Variants in RBPMS observed in about 807,000 individuals in gnomAD.
RBPMS encodes the protein RNA binding protein, mRNA processing factor, also known as RNA-binding protein with multiple splicing.
In RBPMS, 7 loss-of-function variants were observed where a neutral mutation model predicts 26.8. The observed-to-expected ratio is 0.26, with a 90% confidence interval of 0.15 to 0.49. The LOEUF is 0.49. Ranked by LOEUF, RBPMS falls within the 20% of genes least tolerant of loss-of-function variation. RBPMS has a pLI of 0.98. For missense variants in RBPMS, 186 were observed against 250.0 expected (o/e 0.74, Z 1.73); for synonymous variants, 96 against 93.3 (o/e 1.03, Z -0.17).
chr8:30,419,468 G>C (rs1014302404), intron 1 of RBPMS, among the ~76,000 whole-genome samples: 2 of 151,622 alleles, frequency 1.3e-5, no homozygotes, highest in Non-Finnish European at 2.9e-5. Flanking sequence ...GTGTGTGTGT[G>C]TGTGTGTGTG....
chr8:30,412,692 G>A (rs2150585464), intron 1 of RBPMS, among the ~76,000 whole-genome samples: 1 of 152,238 alleles, frequency 6.6e-6, no homozygotes, highest in Middle Eastern at 3.4e-3. Context: ...GTGCTGTATT[G>A]AGGAGGAGAG....
chr8:30,494,700 A>G (rs1249235885), intron 4 of RBPMS, among the ~76,000 whole-genome samples: 4 of 152,178 alleles, frequency 2.6e-5, no homozygotes, highest in Admixed American at 2.6e-4. Context: ...TGTGACTATA[A>G]TTAACTCTAG....
chr8:30,409,846 T>C (rs988473676), intron 1 of RBPMS, among the ~76,000 whole-genome samples: 1 of 151,776 alleles, frequency 6.6e-6, no homozygotes, highest in East Asian at 2.0e-4. Flanking sequence ...TTGGCCAGGC[T>C]GGTCTCGATC....
intron 6 of RBPMS, chr8:30,556,429 G>A (rs1826923251): frequency 3.0e-6 from 3 of 985,750 alleles, no homozygotes; most frequent in Non-Finnish European, 3.6e-6. Context: ...GGCTGGGGCA[G>A]GGCTTCCTTC....
intron 1 of RBPMS, among the ~76,000 whole-genome samples, chr8:30,438,161 A>ATTGGG (rs1473373511): frequency 3.3e-5 from 5 of 152,174 alleles, no homozygotes; most frequent in African/African-American, 1.2e-4. Flanking sequence ...TCATGCCTGT[A>ATTGGG]ATCCCAACAC....
At chr8:30,433,071 C>A (rs1307442984) in intron 1 of RBPMS, among the ~76,000 whole-genome samples, 1 of 152,158 alleles carries the variant, frequency 6.6e-6, no homozygotes, top group Non-Finnish European at 1.5e-5. Flanking sequence ...GATAAACTGT[C>A]CTACAGTGAT....
chr8:30,427,488 T>C (rs1349152542), intron 1 of RBPMS, among the ~76,000 whole-genome samples: 2 of 152,164 alleles, frequency 1.3e-5, no homozygotes, highest in African/African-American at 4.8e-5. Flanking sequence ...CCATTCTTCC[T>C]CCACTACAGG....
chr8:30,532,359 A>G (rs1824313319), intron 5 of RBPMS, among the ~76,000 whole-genome samples: 1 of 152,204 alleles, frequency 6.6e-6, no homozygotes, highest in African/African-American at 2.4e-5. Flanking sequence ...AACATTATTT[A>G]TACCCCCAGA....
At chr8:30,415,205 C>T (rs1378949833) in intron 1 of RBPMS, among the ~76,000 whole-genome samples, 2 of 152,172 alleles carry the variant, frequency 1.3e-5, no homozygotes, top group Non-Finnish European at 2.9e-5. Context: ...CCCTCCCTGA[C>T]TAATCCATCA....
At position 30,384,933 on chromosome 8, in the gene RBPMS, G is replaced by A; in HGVS notation, c.-160G>A. 2.4e-6 allele frequency: 1 copy of A among 424,574 alleles called. No individual in the cohort carries two copies. Among genetic ancestry groups the A allele is most frequent in the South Asian group, 7.3e-5 (1 of 13,716 alleles). The allele number at this position is 424,574 out of a possible 1,614,324, so 26.3% of individuals were successfully genotyped here. A position where few individuals can be genotyped will look rare whatever the true frequency, so the allele number is the denominator to read the frequency against. On this transcript the variant is annotated 5_prime_UTR_variant, in exon 1 of 9. Coordinates refer to ENST00000397323, the MANE Select transcript of RBPMS (RefSeq NM_001008710.3). This position sits in a 1 kb window ranked among gnomAD's most constrained non-coding sequence, Gnocchi z 5.6. ...CGCCGCGGGAGCCCCAGCCCAACCC[G>A]AGCCCGACAGCCACTGCCCCGGCTC... is the stretch of plus-strand genomic sequence containing the variant.
intron 5 of RBPMS, among the ~76,000 whole-genome samples, chr8:30,532,994 G>T (rs1019116918): frequency 2.0e-5 from 3 of 152,192 alleles, no homozygotes; most frequent in Non-Finnish European, 4.4e-5. Flanking sequence ...TTGCCTCACA[G>T]CAGGTGCTCA....
rs80084671 is a variant in RBPMS, at chr8:30,517,708, G to C, written c.397+13272G>C. ...GGAAACAGGCCTGTAAGGAGCTGCC[G>C]TGTGTAAGGTAGAGCAAGTGTTCAG... On this transcript the variant is annotated intron_variant, in intron 5 of 8. Coordinates refer to ENST00000397323, the MANE Select transcript of RBPMS (RefSeq NM_001008710.3). Among the ~76,000 whole-genome samples, 815 of 152,280 alleles carry C rather than the reference G, an allele frequency of 5.4e-3. 11 individuals are homozygous for C. Among genetic ancestry groups the C allele is most frequent in the African/African-American group, 0.019 (773 of 41,556 alleles).
chr8:30,506,851 C>T (rs1821123178), intron 5 of RBPMS, among the ~76,000 whole-genome samples: 1 of 152,154 alleles, frequency 6.6e-6, no homozygotes, highest in African/African-American at 2.4e-5. Flanking sequence ...TACACTTGAA[C>T]TCTCAATTCT....
chr8:30,550,056 T>C (rs1325376170), intron 6 of RBPMS, among the ~76,000 whole-genome samples: 1 of 152,040 alleles, frequency 6.6e-6, no homozygotes, highest in Non-Finnish European at 1.5e-5. Flanking sequence ...TTCACTGTGT[T>C]AGCCAGGATG....
At chr8:30,436,864 C>A (rs1003483889) in intron 1 of RBPMS, among the ~76,000 whole-genome samples, 1 of 151,580 alleles carries the variant, frequency 6.6e-6, no homozygotes, top group African/African-American at 2.4e-5. Context: ...TATTTCCTGA[C>A]TGTAACTGAA....
At position 30,413,085 on chromosome 8, in the gene RBPMS, T is replaced by C. The variant is rs536290706; in HGVS notation, c.66+27927T>C. On this transcript the variant is annotated intron_variant, in intron 1 of 8. Coordinates refer to ENST00000397323, the MANE Select transcript of RBPMS (RefSeq NM_001008710.3). ...TTCTAATTGACATTGTTTTTGTTTGTTTGTTTGTTTTGAGGCAGAGCCTTG... is the reference window on the plus strand; with the variant it reads ...TTCTAATTGACATTGTTTTTGTTTGCTTGTTTGTTTTGAGGCAGAGCCTTG... Among the ~76,000 whole-genome samples, 5 of 152,264 alleles carry C rather than the reference T, an allele frequency of 3.3e-5. No homozygotes were observed. The South Asian group carries it at 1.0e-3, about 32-fold the overall frequency.
At chr8:30,500,143 G>C (rs565449553) in intron 4 of RBPMS, among the ~76,000 whole-genome samples, 11 of 152,048 alleles carry the variant, frequency 7.2e-5, no homozygotes, top group Non-Finnish European at 1.5e-4. Context: ...ATTATACATA[G>C]TTGTAAAAAT....
chr8:30,464,150 A>T (rs1816245660), intron 1 of RBPMS, among the ~76,000 whole-genome samples: 1 of 152,100 alleles, frequency 6.6e-6, no homozygotes, highest in Non-Finnish European at 1.5e-5. Context: ...AAAAAGTTAT[A>T]ATGACTTTCT....
At chr8:30,424,263 T>C (rs1418023778) in intron 1 of RBPMS, among the ~76,000 whole-genome samples, 1 of 152,220 alleles carries the variant, frequency 6.6e-6, no homozygotes, top group East Asian at 1.9e-4. Context: ...TTACTTTCTT[T>C]GAAGCTAGTT....
Sources: gnomAD v4.1 joint callset for allele counts (sites outside exome capture counted in the v4.1 genomes callset) on GRCh38, gnomAD v4.1.1 for gene constraint, Gnocchi (gnomAD v3.1) non-coding constraint, MANE v1.5 for transcripts, NCBI Gene and HGNC (gene_info 2026-07-23, HGNC 2026-07-21) for gene names.